ROR1: variants seen among roughly 807,000 people sequenced by gnomAD.
ROR1 encodes ROR family WNT receptor 1.
In ROR1, 19 loss-of-function variants were observed where a neutral mutation model predicts 78.8. That is an observed-to-expected ratio of 0.24 (90% CI 0.17 to 0.35). The LOEUF is 0.35. Among genes scored for constraint, ROR1 ranks in the 10% least tolerant of loss-of-function variants. ROR1 has a pLI of 1.00. For missense variants in ROR1, 917 were observed against 1,177.8 expected (o/e 0.78, Z 3.24); for synonymous variants, 386 against 433.6 (o/e 0.89, Z 1.36).
chr1:64,178,515 C>T lies in ROR1; in HGVS notation c.2474C>T (p.Pro825Leu). ...RFIPINGYPI[P>L]PGYAAFPAAH... ...ATTCCCATCAATGGATACCCAATAC[C>T]TCCTGGATATGCAGCGTTTCCAGCT... The change falls in exon 9 of 9, where the codon CCT (proline) becomes CTT (leucine). Residue 825 changes from proline (P) to leucine (L), a missense_variant. Physicochemically the swap from Pro to Leu is moderately conservative, Grantham distance 98. Coordinates refer to ENST00000371079, the MANE Select transcript of ROR1 (RefSeq NM_005012.4). This position sits in a 1 kb window ranked among gnomAD's most constrained non-coding sequence, Gnocchi z 4.3. The T allele has an allele frequency of 6.2e-7, 1 of 1,614,194 alleles. No homozygotes were observed. The highest frequency in any genetic ancestry group is 8.5e-7 in the Non-Finnish European group (1 of 1,180,036).
chr1:63,854,283 C>G (rs781526233), intron 1 of ROR1, among the ~76,000 whole-genome samples: 1 of 152,170 alleles, frequency 6.6e-6, no homozygotes, highest in African/African-American at 2.4e-5. Flanking sequence ...TTATCTAAAT[C>G]TTAGCACCAC....
chr1:64,103,063 G>T (rs1647628251), intron 4 of ROR1, among the ~76,000 whole-genome samples: 1 of 152,060 alleles, frequency 6.6e-6, no homozygotes, highest in Non-Finnish European at 1.5e-5. Context: ...ATGAACATCT[G>T]GTCTCATTTT....
At chr1:63,781,736 G>T (rs1209403105) in intron 1 of ROR1, among the ~76,000 whole-genome samples, 1 of 152,200 alleles carries the variant, frequency 6.6e-6, no homozygotes, top group African/African-American at 2.4e-5. Flanking sequence ...TGAGTGTTCT[G>T]CTATAGTTAT....
intron 7 of ROR1, 80 bp from the exon 8 acceptor site, chr1:64,158,901 C>A: frequency 1.9e-6 from 2 of 1,050,752 alleles, no homozygotes; most frequent in African/African-American, 1.6e-5. Context: ...AGAGGTGGTT[C>A]ATTTTAAACT....
chr1:63,812,850 G>A (rs2100272000), intron 1 of ROR1, among the ~76,000 whole-genome samples: 1 of 152,234 alleles, frequency 6.6e-6, no homozygotes, highest in East Asian at 1.9e-4. Flanking sequence ...GTTTATAGAT[G>A]ACAGAGCTGA....
At chr1:63,958,573 G>A in intron 1 of ROR1, among the ~76,000 whole-genome samples, 1 of 152,120 alleles carries the variant, frequency 6.6e-6, no homozygotes, top group East Asian at 1.9e-4. Flanking sequence ...GATCAGTTAG[G>A]ATAAATCCTG....
intron 1 of ROR1, among the ~76,000 whole-genome samples, chr1:63,935,883 C>T (rs1645790168): frequency 6.6e-6 from 1 of 152,122 alleles, no homozygotes; most frequent in South Asian, 2.1e-4. Flanking sequence ...AACATCCACA[C>T]TTGTGATAAA....
chr1:63,834,512 G>A (rs1278223202), intron 1 of ROR1, among the ~76,000 whole-genome samples: 3 of 152,116 alleles, frequency 2.0e-5, no homozygotes, highest in African/African-American at 7.2e-5. Context: ...CTATAAAATA[G>A]CATTTTTAAA....
chr1:63,853,952 A>G (rs1415161479), intron 1 of ROR1, among the ~76,000 whole-genome samples: 1 of 152,232 alleles, frequency 6.6e-6, no homozygotes, highest in East Asian at 1.9e-4. Flanking sequence ...TCCCAGAACT[A>G]GGATGATGGG....
intron 1 of ROR1, among the ~76,000 whole-genome samples, chr1:63,881,456 G>A (rs935816343): frequency 1.3e-5 from 2 of 152,076 alleles, no homozygotes; most frequent in African/African-American, 4.8e-5. Flanking sequence ...ATCACATGAG[G>A]GCTATGGACA....
At chr1:63,797,211 C>T (rs1644766538) in intron 1 of ROR1, among the ~76,000 whole-genome samples, 2 of 152,132 alleles carry the variant, frequency 1.3e-5, no homozygotes, top group Admixed American at 6.5e-5. Flanking sequence ...CAAAAAAGGA[C>T]TTTGGGCATC....
At chr1:63,952,187 G>A (rs1645945259) in intron 1 of ROR1, among the ~76,000 whole-genome samples, 1 of 152,194 alleles carries the variant, frequency 6.6e-6, no homozygotes, top group Non-Finnish European at 1.5e-5. Flanking sequence ...GTTCTGGTCT[G>A]AGCTGAGATC....
chr1:63,998,900 T>C (rs1646360939), intron 1 of ROR1, among the ~76,000 whole-genome samples: 1 of 152,210 alleles, frequency 6.6e-6, no homozygotes, highest in Admixed American at 6.5e-5. Flanking sequence ...ACTGTTCTTG[T>C]GGTAGTGACT....
At chr1:64,106,199 G>A (rs894473946) in intron 4 of ROR1, 4 of 151,958 alleles carry the variant, frequency 2.6e-5, no homozygotes, top group African/African-American at 9.7e-5. Context: ...GTATTCCTAG[G>A]TATTTTATTC....
chr1:63,923,321 G>C (rs903593090), intron 1 of ROR1, among the ~76,000 whole-genome samples: 8 of 152,206 alleles, frequency 5.3e-5, no homozygotes, highest in African/African-American at 1.4e-4. Flanking sequence ...AGGTCCTGTT[G>C]GTTTGGGCTG....
chr1:63,788,160 T>A (rs1047903864), intron 1 of ROR1, among the ~76,000 whole-genome samples: 2 of 152,218 alleles, frequency 1.3e-5, no homozygotes, highest in Admixed American at 6.5e-5. Flanking sequence ...GCACACAGCC[T>A]CACCTCACTA....
At chr1:64,176,157 C>T (rs1322016736) in intron 8 of ROR1, among the ~76,000 whole-genome samples, 1 of 152,152 alleles carries the variant, frequency 6.6e-6, no homozygotes, top group Non-Finnish European at 1.5e-5. Context: ...TCATTGTGAG[C>T]TAATGCCTTC....
intron 1 of ROR1, among the ~76,000 whole-genome samples, chr1:63,897,538 G>A (rs530726141): frequency 6.6e-6 from 1 of 152,142 alleles, no homozygotes; most frequent in African/African-American, 2.4e-5. Context: ...TTGTTTCTCG[G>A]TTCCTTCTTT....
Position 64,180,568 on chromosome 1 carries a change from A to T in ROR1, c.*1713A>T, listed in dbSNP as rs1045916088. 1 of 152,226 alleles carries T rather than the reference A, an allele frequency of 6.6e-6. No homozygotes were observed. The highest frequency in any genetic ancestry group is 2.4e-5 in the African/African-American group (1 of 41,470). The allele number at this position is 152,226 out of a possible 1,614,324, so 9.4% of individuals were successfully genotyped here. On this transcript the variant is annotated 3_prime_UTR_variant, in exon 9 of 9. Transcript: ENST00000371079. The stretch of plus-strand genomic sequence containing the variant: ...AACTAGAAGAATTGGTTATATCCAG[A>T]TTTCTGGGAGATAAATTAAAACATA...
Sources: allele counts gnomAD v4.1 joint callset (sites outside exome capture counted in the v4.1 genomes callset), GRCh38; gene constraint gnomAD v4.1.1; non-coding constraint Gnocchi (gnomAD v3.1); transcripts MANE v1.5; gene names NCBI Gene and HGNC (gene_info 2026-07-23, HGNC 2026-07-21).